Variants in DPP6 observed in about 807,000 individuals in gnomAD.
DPP6 encodes the protein A-type potassium channel modulatory protein DPP6.
Under a neutral mutation model 122.6 loss-of-function variants are expected in DPP6, and 69 were observed. The observed-to-expected ratio is 0.56, with a 90% CI of 0.46 to 0.69. The LOEUF is 0.69. DPP6 is among the 30% of genes least tolerant of loss of function. DPP6 has a pLI of 0.00. For missense variants in DPP6, 928 were observed against 1,116.9 expected (o/e 0.83, Z 2.41); for synonymous variants, 418 against 433.1 (o/e 0.97, Z 0.43).
At chr7:153,881,315 A>T in the DPP6 span, among the ~76,000 whole-genome samples, 1 of 152,238 alleles carries the variant, frequency 6.6e-6, no homozygotes, top group Non-Finnish European at 1.5e-5. Context: ...TTAATGGCCA[A>T]CATAGCCCTT....
chr7:154,621,512 GCT>G (rs1281690885), intron 5 of DPP6, among the ~76,000 whole-genome samples: 2 of 151,956 alleles, frequency 1.3e-5, no homozygotes, highest in Admixed American at 6.6e-5. Context: ...GGGATTACAG[GCT>G]CATGCCACCA....
At chr7:154,057,272 T>G (rs955225369) in intron 1 of DPP6, among the ~76,000 whole-genome samples, 3 of 150,828 alleles carry the variant, frequency 2.0e-5, no homozygotes, top group African/African-American at 5.0e-5. Context: ...GGCCTCCCAT[T>G]TCGTGGTGGT....
chr7:154,298,655 G>T (rs559253212), intron 1 of DPP6, among the ~76,000 whole-genome samples: 1 of 152,294 alleles, frequency 6.6e-6, no homozygotes, highest in Admixed American at 6.5e-5. Context: ...CTGAAGCATG[G>T]GGTGAAGGTG....
At chr7:154,859,868 G>A (rs1331346497) in intron 17 of DPP6, among the ~76,000 whole-genome samples, 2 of 152,116 alleles carry the variant, frequency 1.3e-5, no homozygotes, top group East Asian at 1.9e-4. Context: ...TCGAAATTGC[G>A]GTGTGGCTTG....
intron 1 of DPP6, among the ~76,000 whole-genome samples, chr7:154,044,078 TGTGA>T (rs1304906380): frequency 6.6e-6 from 1 of 151,940 alleles, no homozygotes; most frequent in Non-Finnish European, 1.5e-5. Flanking sequence ...TTGTTGCTGC[TGTGA>T]GTGAGGGAAA....
At position 154,875,869 on chromosome 7, in the gene DPP6, C is replaced by T. The variant is rs371240469; in HGVS notation, c.1884-37C>T. ...CTGCTAGACCAGCCGCCACCCACCACGCAGCAGGCCTGCTGAGCCCGGGAT... is the reference window on the plus strand; with the variant it reads ...CTGCTAGACCAGCCGCCACCCACCATGCAGCAGGCCTGCTGAGCCCGGGAT... On this transcript the variant is annotated intron_variant, in intron 19 of 25. Transcript: ENST00000377770. The surrounding 1 kb of genome is among the most constrained non-coding windows in gnomAD (Gnocchi z 4.5). 1.3e-4 allele frequency: 206 copies of T among 1,579,614 alleles called. No homozygotes were observed. The African/African-American group carries it at 2.3e-3, about 18-fold the overall frequency.
At chr7:154,638,022 C>T (rs1414052167) in intron 6 of DPP6, 149 bp downstream of exon 6, 6 of 838,064 alleles carry the variant, frequency 7.2e-6, no homozygotes, top group Non-Finnish European at 1.1e-5. Context: ...CTCTGGGACT[C>T]TCCCTAGATA....
intron 17 of DPP6, among the ~76,000 whole-genome samples, chr7:154,866,946 T>A (rs1391239568): frequency 6.6e-6 from 1 of 150,592 alleles, no homozygotes; most frequent in Non-Finnish European, 1.5e-5. Context: ...TCATTTGACC[T>A]CCAGCTGCCC....
At chr7:154,006,314 G>A (rs560286187) in intron 1 of DPP6, among the ~76,000 whole-genome samples, 3 of 151,788 alleles carry the variant, frequency 2.0e-5, no homozygotes, top group Admixed American at 2.0e-4. Flanking sequence ...GTCTAGGGAG[G>A]GCCAGAATCA....
chr7:154,812,118 T>C, intron 16 of DPP6, among the ~76,000 whole-genome samples: 1 of 152,146 alleles, frequency 6.6e-6, no homozygotes, highest in South Asian at 2.1e-4. Flanking sequence ...ATTTAACAAC[T>C]AGGACAAGGT....
At chr7:154,790,521 T>A (rs1288363140) in intron 10 of DPP6, among the ~76,000 whole-genome samples, 4 of 152,196 alleles carry the variant, frequency 2.6e-5, no homozygotes, top group Non-Finnish European at 2.9e-5. Context: ...TTTGGGTTTT[T>A]AAAAATATTT....
intron 1 of DPP6, among the ~76,000 whole-genome samples, chr7:153,946,194 C>T (rs370754435): frequency 6.6e-6 from 1 of 152,144 alleles, no homozygotes; most frequent in Non-Finnish European, 1.5e-5. Flanking sequence ...TAAAGTGAAA[C>T]TTGATTAGAG....
chr7:154,388,822 A>G (rs2151160269), intron 1 of DPP6, among the ~76,000 whole-genome samples: 1 of 152,290 alleles, frequency 6.6e-6, no homozygotes, highest in East Asian at 1.9e-4. Flanking sequence ...AGGTGCAGAA[A>G]ACATATCCGT....
At chr7:154,565,321 C>T (rs1586640936) in intron 4 of DPP6, among the ~76,000 whole-genome samples, 1 of 152,144 alleles carries the variant, frequency 6.6e-6, no homozygotes, top group Admixed American at 6.5e-5. Flanking sequence ...TAGAACAAAG[C>T]AACCATAAAT....
intron 1 of DPP6, among the ~76,000 whole-genome samples, chr7:154,060,024 C>A (rs575002182): frequency 6.6e-6 from 1 of 150,432 alleles, no homozygotes; most frequent in Non-Finnish European, 1.5e-5. Context: ...AGGGGAGGCA[C>A]CCCCCGCGAG....
chr7:154,581,474 G>T (rs1478085351), intron 5 of DPP6, among the ~76,000 whole-genome samples: 1 of 152,090 alleles, frequency 6.6e-6, no homozygotes, highest in Non-Finnish European at 1.5e-5. Context: ...CACCTCAGCA[G>T]CTTCAGAACA....
At chr7:153,794,535 G>T in the DPP6 span, among the ~76,000 whole-genome samples, 1 of 151,992 alleles carries the variant, frequency 6.6e-6, no homozygotes, top group East Asian at 1.9e-4. Flanking sequence ...GCTTACAGGC[G>T]GTAGGGACTT....
At chr7:154,796,100 G>T (rs561808805) in intron 12 of DPP6, 1 of 651,762 alleles carries the variant, frequency 1.5e-6, no homozygotes, top group Non-Finnish European at 2.4e-6. Context: ...AGGGAGGGTC[G>T]TGTGAAAATC....
the DPP6 span, among the ~76,000 whole-genome samples, chr7:153,752,132 C>T: frequency 1.3e-5 from 2 of 152,152 alleles, no homozygotes; most frequent in Non-Finnish European, 2.9e-5. Context: ...GGACCTGCCA[C>T]ACAAGATGAG....
Sources: allele counts gnomAD v4.1 joint callset (sites outside exome capture counted in the v4.1 genomes callset), GRCh38; gene constraint gnomAD v4.1.1; non-coding constraint Gnocchi (gnomAD v3.1); transcripts MANE v1.5; gene names NCBI Gene and HGNC (gene_info 2026-07-23, HGNC 2026-07-21).